DLGAP1: variants seen among roughly 807,000 people sequenced by gnomAD.
The protein encoded by DLGAP1 is DLG associated protein 1, also known as disks large-associated protein 1.
In DLGAP1, 11 loss-of-function variants were observed where a neutral mutation model predicts 90.8. That is an observed-to-expected ratio of 0.12 (90% CI 0.08 to 0.20). The LOEUF (loss-of-function observed/expected upper bound fraction) is 0.20, where lower values mean the gene tolerates loss of function less well. DLGAP1 is among the 10% of genes least tolerant of loss of function. The pLI is 1.00. For synonymous variants in DLGAP1, 558 were observed against 540.7 expected (o/e 1.03, Z -0.44); for missense variants, 1,050 against 1,333.8 (o/e 0.79, Z 3.31).
In DLGAP1 at chr18:3,661,656, A is replaced by G. The variant is rs576021349; in HGVS notation, c.1591+67479T>C. ...CAGTGGCACGGCCTTGGCTCACTGC[A>G]ACCTCCGCCTCCTGGGTTCAAGCAA... On this transcript the variant is annotated intron_variant, in intron 7 of 12. Transcript: ENST00000315677. Among the ~76,000 whole-genome samples, 36 of 148,576 alleles carry G rather than the reference A, an allele frequency of 2.4e-4. No individual in the cohort carries two copies. In the East Asian group the frequency reaches 6.4e-3, roughly 26 times the overall value.
intron 2 of DLGAP1, among the ~76,000 whole-genome samples, chr18:4,056,017 AG>A (rs1411962655): frequency 6.6e-6 from 1 of 152,162 alleles, no homozygotes; most frequent in African/African-American, 2.4e-5. Context: ...TATGCGGGGA[AG>A]GGGAAAAATA....
rs1416440411 is a variant in DLGAP1 at position 4,339,595 on chromosome 18, AT to A, written c.-267+115410del. ...AATAATGAGCTCACTCCAGTTTCCA[AT>A]TATATTATGAAATATTCATAATTTT... On this transcript the variant is annotated intron_variant, in intron 1 of 12. Transcript: ENST00000315677. Among the ~76,000 whole-genome samples the A allele has an allele frequency of 3.9e-5, 6 of 152,264 alleles. No homozygotes were observed. The South Asian group carries it at 1.0e-3, about 26-fold the overall frequency.
chr18:4,003,437 G>GCTT lies in DLGAP1; in HGVS notation c.-73+1678_-73+1679insAAG, dbSNP rs1386534249. On this transcript the variant is annotated intron_variant, in intron 3 of 12. Coordinates refer to ENST00000315677, the MANE Select transcript of DLGAP1 (RefSeq NM_004746.4). ...TCTTTTTCAGGTGCTTAATATCATT[G>GCTT]TTTTTTTTTTTTTTTTTGGAAGTTA... Among the ~76,000 whole-genome samples, 19 of 130,372 alleles carry GCTT rather than the reference G, an allele frequency of 1.5e-4. 1 individual carries two copies. Among genetic ancestry groups the GCTT allele is most frequent in the African/African-American group, 4.6e-4 (16 of 34,534 alleles). The allele number at this position is 130,372 out of a possible 152,430, so 85.5% of individuals were successfully genotyped here. A position where few individuals can be genotyped will look rare whatever the true frequency, so the allele number is the denominator to read the frequency against.
At chr18:4,207,934 G>A (rs766881008) in intron 1 of DLGAP1, among the ~76,000 whole-genome samples, 6 of 152,090 alleles carry the variant, frequency 3.9e-5, no homozygotes, top group Admixed American at 6.5e-5. Context: ...GAAATCATCC[G>A]CATTTTTTTG....
intron 2 of DLGAP1, among the ~76,000 whole-genome samples, chr18:4,122,700 T>C (rs1442995110): frequency 1.3e-5 from 2 of 152,138 alleles, no homozygotes; most frequent in East Asian, 1.9e-4. Context: ...TAAGTATTTG[T>C]ATTTTCATTT....
intron 1 of DLGAP1, among the ~76,000 whole-genome samples, chr18:4,386,175 T>C (rs1336006648): frequency 6.6e-6 from 1 of 152,158 alleles, no homozygotes; most frequent in Non-Finnish European, 1.5e-5. Flanking sequence ...CGTTCTAATA[T>C]AGCTAAATTT....
intron 8 of DLGAP1, among the ~76,000 whole-genome samples, chr18:3,580,946 G>A (rs1286346310): frequency 6.6e-6 from 1 of 152,204 alleles, no homozygotes; most frequent in Non-Finnish European, 1.5e-5. Flanking sequence ...GGTCGGCCGG[G>A]ACCCTCACAG....
chr18:4,432,200 T>C (rs73943540), intron 1 of DLGAP1, among the ~76,000 whole-genome samples: 2,842 of 152,292 alleles, frequency 0.019, 83 homozygotes, highest in African/African-American at 0.065. Context: ...GCAAGAATTT[T>C]GTTGGGCATG....
At chr18:4,170,817 C>T (rs1019722519) in intron 1 of DLGAP1, among the ~76,000 whole-genome samples, 23 of 152,026 alleles carry the variant, frequency 1.5e-4, no homozygotes, top group African/African-American at 5.1e-4. Context: ...TTTTTCATAA[C>T]TGAAAAAGAG....
intron 1 of DLGAP1, among the ~76,000 whole-genome samples, chr18:4,173,988 CT>C (rs1275225256): frequency 1.3e-5 from 2 of 152,182 alleles, no homozygotes; most frequent in Non-Finnish European, 2.9e-5. Flanking sequence ...TTCTGCACCC[CT>C]ACCTGGCCTC....
At chr18:4,414,723 C>A (rs374415619) in intron 1 of DLGAP1, among the ~76,000 whole-genome samples, 74 of 142,832 alleles carry the variant, frequency 5.2e-4, no homozygotes, top group Admixed American at 5.6e-4. Flanking sequence ...AAGACTCTGT[C>A]AAAAAAAAAA....
intron 9 of DLGAP1, among the ~76,000 whole-genome samples, chr18:3,538,481 C>T (rs1002695336): frequency 6.6e-6 from 1 of 152,216 alleles, no homozygotes; most frequent in South Asian, 2.1e-4. Flanking sequence ...AACAATTTTG[C>T]GAAAGTGGTT....
intron 1 of DLGAP1, among the ~76,000 whole-genome samples, chr18:4,395,525 CTGGTTCTCTGTAAAGATCATTAACA>C (rs1330105995): frequency 6.6e-5 from 10 of 152,166 alleles, no homozygotes; most frequent in Non-Finnish European, 1.2e-4. Flanking sequence ...GGGCATGCAG[CTGGTTCTCTGTAAAGATCATTAACA>C]TGGTTCTCTG....
At chr18:3,997,726 TATA>T (rs1335976711) in intron 3 of DLGAP1, among the ~76,000 whole-genome samples, 1 of 152,092 alleles carries the variant, frequency 6.6e-6, no homozygotes, top group Middle Eastern at 3.2e-3. Context: ...ATTTTAATAA[TATA>T]ATTTTATTTA....
At position 3,524,425 on chromosome 18, in the gene DLGAP1, A is replaced by G. The variant is rs568149871; in HGVS notation, c.2479+9769T>C. ...CTTATGCTAAGTAAAATTATCTTGT[A>G]TTAGGGCGTCTTGTGGAATAAGTAG... On this transcript the variant is annotated intron_variant, in intron 10 of 12. Transcript: ENST00000315677. 9.8e-5 allele frequency among the ~76,000 whole-genome samples: 15 copies of G among 152,298 alleles called. No individual in the cohort carries two copies. In the East Asian group the frequency reaches 2.3e-3, roughly 23 times the overall value.
At chr18:3,587,994 G>A (rs891272448) in intron 7 of DLGAP1, among the ~76,000 whole-genome samples, 14 of 152,188 alleles carry the variant, frequency 9.2e-5, no homozygotes, top group African/African-American at 3.4e-4. Flanking sequence ...GCCCTGATAA[G>A]TTTTTTGTTC....
At chr18:3,591,329 C>T (rs1317171134) in intron 7 of DLGAP1, among the ~76,000 whole-genome samples, 1 of 151,992 alleles carries the variant, frequency 6.6e-6, no homozygotes, top group Non-Finnish European at 1.5e-5. Context: ...AGAATGGGAA[C>T]GATTGGACTT....
chr18:4,186,651 C>T (rs1457338151), intron 1 of DLGAP1, among the ~76,000 whole-genome samples: 2 of 152,000 alleles, frequency 1.3e-5, no homozygotes, highest in African/African-American at 4.8e-5. Context: ...TTTTTTGTAC[C>T]AGTACCATAC....
At chr18:3,561,473 GT>G (rs2054113754) in intron 9 of DLGAP1, among the ~76,000 whole-genome samples, 1 of 143,596 alleles carries the variant, frequency 7.0e-6, no homozygotes, top group Non-Finnish European at 1.5e-5. Flanking sequence ...AAAAATGAAA[GT>G]TTTTATTTTA....
Sources: gnomAD v4.1 joint callset for allele counts (sites outside exome capture counted in the v4.1 genomes callset) on GRCh38, gnomAD v4.1.1 for gene constraint, MANE v1.5 for transcripts, NCBI Gene and HGNC (gene_info 2026-07-23, HGNC 2026-07-21) for gene names.